Variants in PSMD9 observed in about 807,000 individuals in gnomAD.
The protein encoded by PSMD9 is proteasome 26S subunit, non-ATPase 9, also known as 26S proteasome non-ATPase regulatory subunit 9.
Under a neutral mutation model 25.9 loss-of-function variants are expected in PSMD9, and 26 were observed. The observed-to-expected ratio is 1.00, with a 90% CI of 0.73 to 1.39. The LOEUF (loss-of-function observed/expected upper bound fraction) is 1.39. PSMD9 is among the 40% of genes most tolerant of loss of function. PSMD9 has a pLI of 0.00. For synonymous variants in PSMD9, 110 were observed against 114.5 expected, an observed-to-expected ratio of 0.96 and a Z score of 0.25; for missense variants, 303 against 299.3, an observed-to-expected ratio of 1.01 and a Z score of -0.09.
At chr12:121,891,560 A>G (rs1284552916) in intron 1 of PSMD9, among the ~76,000 whole-genome samples, 1 of 151,170 alleles carries the variant, frequency 6.6e-6, no homozygotes, top group Non-Finnish European at 1.5e-5. Flanking sequence ...AGATTGCGCC[A>G]CTGCACTTCA....
At chr12:121,899,483 A>G (rs991486614) in intron 2 of PSMD9, 151 bp from the exon 3 acceptor site, 2 of 677,146 alleles carry the variant, frequency 3.0e-6, no homozygotes, top group African/African-American at 1.8e-5. Flanking sequence ...TCCATGAGGG[A>G]ATGTCCTCTG....
chr12:121,901,985 A>T (rs1339095336), intron 3 of PSMD9: 1 of 152,126 alleles, frequency 6.6e-6, no homozygotes, highest in Non-Finnish European at 1.5e-5. Flanking sequence ...CTGGCCCTTC[A>T]TTCCTTTTTA....
At position 121,916,431 on chromosome 12, in the gene PSMD9, ACTT is replaced by A; in HGVS notation, c.*123_*125del. On this transcript the variant is annotated 3_prime_UTR_variant, in exon 6 of 6. Transcript: ENST00000541212. The stretch of plus-strand genomic sequence containing the variant: ...GATCTGGAAGAGGCTTGTAACCTGA[ACTT>A]CTGTGTGGTGGCAGTACTGTGGCCC... 2.3e-6 allele frequency: 3 copies of A among 1,287,082 alleles called. No homozygotes were observed. The highest frequency in any genetic ancestry group is 1.9e-4 in the Middle Eastern group (1 of 5,366). The allele number at this position is 1,287,082 out of a possible 1,614,324, so 79.7% of individuals were successfully genotyped here.
chr12:121,890,602 A>T (rs1280480587), intron 1 of PSMD9, among the ~76,000 whole-genome samples: 1 of 151,930 alleles, frequency 6.6e-6, no homozygotes, highest in Non-Finnish European at 1.5e-5. Context: ...CAAGTAGCTG[A>T]GACTGCAGGT....
chr12:121,896,262 G>A (rs1565890818), intron 2 of PSMD9, among the ~76,000 whole-genome samples: 1 of 152,024 alleles, frequency 6.6e-6, no homozygotes, highest in African/African-American at 2.4e-5. Context: ...CTGAGGTCAG[G>A]AGTTTGAGTC....
intron 4 of PSMD9, among the ~76,000 whole-genome samples, chr12:121,905,302 CAAGCTCTG>C (rs542045214): frequency 0.011 from 1,683 of 151,102 alleles, 12 homozygotes; most frequent in South Asian, 0.017. Flanking sequence ...GGGGCTACTG[CAAGCTCTG>C]CCTCCCAGGT....
intron 3 of PSMD9, chr12:121,901,963 G>A (rs1199016974): frequency 1.3e-5 from 2 of 152,166 alleles, no homozygotes; most frequent in Non-Finnish European, 2.9e-5. Context: ...TTACAGGCGT[G>A]AGCCACTGTG....
chr12:121,900,985 TAAAAA>T (rs749082407), intron 3 of PSMD9, among the ~76,000 whole-genome samples: 15 of 89,478 alleles, frequency 1.7e-4, no homozygotes, highest in Non-Finnish European at 3.3e-4. Context: ...AGACTCTGTC[TAAAAA>T]AAAAAAAAAA....
chr12:121,907,729 A>G (rs1331971770), intron 4 of PSMD9, among the ~76,000 whole-genome samples: 2 of 152,216 alleles, frequency 1.3e-5, no homozygotes, highest in African/African-American at 2.4e-5. Flanking sequence ...ATTTTATTGT[A>G]TGCAAATTAT....
At chr12:121,909,227 C>G (rs566336355) in intron 4 of PSMD9, among the ~76,000 whole-genome samples, 1 of 152,050 alleles carries the variant, frequency 6.6e-6, no homozygotes, top group African/African-American at 2.4e-5. Flanking sequence ...CCAGCCTGCC[C>G]AGGGCTGTCA....
rs778114716 is a variant in PSMD9 at position 121,888,853 on chromosome 12, C to T, written c.-4C>T. ...GTCTCTGGAGTCGCGGCCCGGGGTT[C>T]ACGATGTCCGACGAGGAAGCGAGGC... On this transcript the variant is annotated 5_prime_UTR_variant, in exon 1 of 6. Coordinates refer to ENST00000541212, the MANE Select transcript of PSMD9 (RefSeq NM_002813.7). 2.5e-6 allele frequency: 4 copies of T among 1,601,846 alleles called. No individual in the cohort carries two copies. The highest frequency in any genetic ancestry group is 2.2e-5 in the South Asian group (2 of 89,164).
chr12:121,907,365 C>T (rs183112598), intron 4 of PSMD9, among the ~76,000 whole-genome samples: 123 of 151,746 alleles, frequency 8.1e-4, no homozygotes, highest in African/African-American at 2.9e-3. Flanking sequence ...CCACTGTGCC[C>T]GGCCTTTCTT....
chr12:121,911,497 C>G (rs559149395), intron 4 of PSMD9, among the ~76,000 whole-genome samples: 1 of 152,014 alleles, frequency 6.6e-6, no homozygotes, highest in Non-Finnish European at 1.5e-5. Flanking sequence ...TTGCTTCCAC[C>G]TTTTTGTTGT....
chr12:121,910,009 T>C (rs1337846378), intron 4 of PSMD9, among the ~76,000 whole-genome samples: 2 of 152,118 alleles, frequency 1.3e-5, no homozygotes, highest in Non-Finnish European at 2.9e-5. Context: ...AGTGCGTCTG[T>C]TTCTAGCTTT....
chr12:121,905,840 G>C (rs1160048419), intron 4 of PSMD9, among the ~76,000 whole-genome samples: 1 of 151,824 alleles, frequency 6.6e-6, no homozygotes, highest in African/African-American at 2.4e-5. Flanking sequence ...CCATTCCCGT[G>C]AGTTTTCACA....
At chr12:121,892,318 C>T (rs892113462) in intron 1 of PSMD9, among the ~76,000 whole-genome samples, 1 of 152,248 alleles carries the variant, frequency 6.6e-6, no homozygotes, top group East Asian at 1.9e-4. Flanking sequence ...AATCCCAGGA[C>T]TTTGGGAGTC....
chr12:121,915,966 A>T, intron 5 of PSMD9, 22 bp downstream of exon 5: 1 of 1,601,720 alleles, frequency 6.2e-7, no homozygotes, highest in Non-Finnish European at 8.5e-7. Context: ...GTTTCTGTTC[A>T]TTCTCACTGG....
chr12:121,899,395 G>C (rs1402763663), intron 2 of PSMD9: 1 of 500,988 alleles, frequency 2.0e-6, no homozygotes, highest in East Asian at 3.3e-5. Context: ...AGACTTTGCT[G>C]CTGGCCAGGC....
chr12:121,910,567 G>T (rs55912167), intron 4 of PSMD9, among the ~76,000 whole-genome samples: 1 of 151,688 alleles, frequency 6.6e-6, no homozygotes, highest in African/African-American at 2.4e-5. Flanking sequence ...CTGGAGACCA[G>T]CCTGCCAGCG....
Sources: gnomAD v4.1 joint callset for allele counts (sites outside exome capture counted in the v4.1 genomes callset) on GRCh38, gnomAD v4.1.1 for gene constraint, MANE v1.5 for transcripts, NCBI Gene and HGNC (gene_info 2026-07-23, HGNC 2026-07-21) for gene names.